Variants in CSMD2 observed in about 807,000 individuals in gnomAD.
The protein encoded by CSMD2 is CUB and sushi domain-containing protein 2.
In CSMD2, 130 loss-of-function variants were observed where a neutral mutation model predicts 398.5. That is an observed-to-expected ratio of 0.33 (90% CI 0.28 to 0.38). CSMD2 has a LOEUF of 0.38. CSMD2 is among the 10% of genes least tolerant of loss of function. The probability of loss-of-function intolerance (pLI) is 1.00; values close to 1 mark genes in which losing one functional copy is unlikely to be tolerated. For missense variants in CSMD2, 3,829 were observed against 4,764.9 expected, an observed-to-expected ratio of 0.80 and a Z score of 5.78; for synonymous variants, 1,828 against 1,908.5, an observed-to-expected ratio of 0.96 and a Z score of 1.10.
chr1:33,715,363 G>A (rs759969653), intron 20 of CSMD2, among the ~76,000 whole-genome samples: 3 of 152,230 alleles, frequency 2.0e-5, no homozygotes, highest in East Asian at 1.9e-4. Context: ...CGGCAAGCAT[G>A]ACCAGGGGCA....
At chr1:33,621,703 G>A (rs1641782153) in intron 37 of CSMD2, among the ~76,000 whole-genome samples, 3 of 152,144 alleles carry the variant, frequency 2.0e-5, no homozygotes, top group Non-Finnish European at 4.4e-5. Context: ...ATTTGGTAGT[G>A]ACCACTTAGG....
At chr1:33,741,293 C>A (rs1647057211) in intron 14 of CSMD2, among the ~76,000 whole-genome samples, 1 of 152,050 alleles carries the variant, frequency 6.6e-6, no homozygotes, top group African/African-American at 2.4e-5. Context: ...TCAAGCTCAG[C>A]CTCAGTGATC....
In CSMD2 at chr1:33,952,990, G is replaced by T. The variant is rs1043523493; in HGVS notation, c.518-17036C>A. On this transcript the variant is annotated intron_variant, in intron 3 of 70. Coordinates refer to ENST00000373381, the MANE Select transcript of CSMD2 (RefSeq NM_001281956.2). The stretch of plus-strand genomic sequence containing the variant: ...AGGCATTGGGCACCAGCAAATGTTT[G>T]CTGGATGGCTGCACGTGGCAAAAAA... Among the ~76,000 whole-genome samples the T allele has an allele frequency of 8.1e-4, 123 of 152,188 alleles. 4 individuals carry two copies.
chr1:34,024,835 C>T (rs1479379495), intron 3 of CSMD2, among the ~76,000 whole-genome samples: 2 of 152,110 alleles, frequency 1.3e-5, no homozygotes, highest in Non-Finnish European at 2.9e-5. Context: ...TTCCATTAGC[C>T]CAATTTTGAG....
At chr1:33,909,483 C>G (rs1643324556) in intron 5 of CSMD2, among the ~76,000 whole-genome samples, 1 of 152,084 alleles carries the variant, frequency 6.6e-6, no homozygotes. Flanking sequence ...TAACTTCAGT[C>G]TCCCCCAAAT....
intron 6 of CSMD2, among the ~76,000 whole-genome samples, chr1:33,845,273 C>T (rs1661245389): frequency 6.6e-6 from 1 of 152,194 alleles, no homozygotes; most frequent in East Asian, 1.9e-4. Context: ...TGAGCCCCAG[C>T]TTCCTCAGCT....
intron 3 of CSMD2, among the ~76,000 whole-genome samples, chr1:33,981,649 C>A (rs1646170460): frequency 6.6e-6 from 1 of 152,244 alleles, no homozygotes; most frequent in Non-Finnish European, 1.5e-5. Flanking sequence ...TTGCCACTCT[C>A]CTGGAGCTTT....
At chr1:33,679,585 A>G (rs1644835744) in intron 25 of CSMD2, among the ~76,000 whole-genome samples, 1 of 152,234 alleles carries the variant, frequency 6.6e-6, no homozygotes, top group South Asian at 2.1e-4. Context: ...ATTTCAATCT[A>G]TCAAGCAGCG....
intron 3 of CSMD2, among the ~76,000 whole-genome samples, chr1:33,989,067 T>C (rs895507477): frequency 9.0e-6 from 1 of 111,574 alleles, no homozygotes; most frequent in African/African-American, 3.3e-5. Flanking sequence ...TATATATATA[T>C]ATGGATGCAT....
rs755707159 is a variant in CSMD2, at chr1:33,605,274, C to G, written c.6532+8G>C. The G allele has an allele frequency of 4.5e-5, 73 of 1,612,600 alleles. No homozygotes were observed. The highest frequency in any genetic ancestry group is 4.7e-5 in the Non-Finnish European group (55 of 1,179,290). ...GGAAGAACTGCTGGGGATGAGGGAG[C>G]GACATACCTTCACACTTGGGCAGGG... is the stretch of plus-strand genomic sequence containing the variant. On this transcript the variant is annotated splice_region_variant and intron_variant, in intron 42 of 70. Transcript: ENST00000373381.
At chr1:33,608,516 T>C (rs1316139108) in intron 41 of CSMD2, among the ~76,000 whole-genome samples, 3 of 152,184 alleles carry the variant, frequency 2.0e-5, no homozygotes, top group Admixed American at 1.3e-4. Flanking sequence ...ACTTCACTCC[T>C]TGTGAATATG....
chr1:34,088,000 C>T (rs1658110119), intron 2 of CSMD2, among the ~76,000 whole-genome samples: 1 of 152,300 alleles, frequency 6.6e-6, no homozygotes, highest in South Asian at 2.1e-4. Context: ...GCCTCTGCTG[C>T]AGGCTTCCCA....
intron 6 of CSMD2, among the ~76,000 whole-genome samples, chr1:33,840,578 G>C (rs1373833721): frequency 6.6e-6 from 1 of 152,188 alleles, no homozygotes; most frequent in African/African-American, 2.4e-5. Context: ...GTTTCCCAGT[G>C]ACAGTTTGAT....
intron 9 of CSMD2, chr1:33,814,111 C>T (rs1425933026): frequency 6.6e-6 from 1 of 152,248 alleles, no homozygotes; most frequent in Non-Finnish European, 1.5e-5. Context: ...CCCATCAGCT[C>T]CTTCGGTCTT....
At chr1:33,990,240 C>A (rs1394630833) in intron 3 of CSMD2, among the ~76,000 whole-genome samples, 1 of 152,044 alleles carries the variant, frequency 6.6e-6, no homozygotes, top group African/African-American at 2.4e-5. Context: ...CCACTGCACT[C>A]CAGCCTGGAC....
chr1:34,006,717 GC>G (rs1424246437), intron 3 of CSMD2, among the ~76,000 whole-genome samples: 6 of 152,010 alleles, frequency 3.9e-5, no homozygotes, highest in Admixed American at 3.9e-4. Flanking sequence ...AAGCAAATGA[GC>G]CACAGTTCAT....
chr1:33,557,773 C>T lies in CSMD2; in HGVS notation c.8704G>A (p.Gly2902Arg), dbSNP rs1455619176. ...CGGGGACGGTCCCATGTGCCATCTCCCTGGCAGCTGAGCACTGGGGTGCCC... is the reference window on the plus strand; with the variant it reads ...CGGGGACGGTCCCATGTGCCATCTCTCTGGCAGCTGAGCACTGGGGTGCCC... ...LLGTPVLSCQGDGTWDRPRPQ... is the reference protein window; with the variant it reads ...LLGTPVLSCQRDGTWDRPRPQ... The change falls in exon 55 of 71, where the codon GGA (glycine) becomes AGA (arginine). Residue 2902 changes from glycine to arginine, a missense_variant. By Grantham distance (125) the Gly-to-Arg change is moderately radical. This residue lies in a region of CSMD2 where 917 missense variants were observed against 1,199.5 expected (regional missense o/e 0.76). Coordinates refer to ENST00000373381, the MANE Select transcript of CSMD2 (RefSeq NM_001281956.2). 6 of 1,536,084 alleles carry T rather than the reference C, an allele frequency of 3.9e-6. No homozygotes were observed. Among genetic ancestry groups the T allele is most frequent in the Non-Finnish European group, 5.2e-6 (6 of 1,146,896 alleles).
intron 65 of CSMD2, among the ~76,000 whole-genome samples, chr1:33,525,609 T>C (rs1654698334): frequency 6.6e-6 from 1 of 152,172 alleles, no homozygotes; most frequent in Non-Finnish European, 1.5e-5. Context: ...ACTGGAGATA[T>C]GAGTTTTGGT....
At chr1:33,666,889 G>A (rs924737173) in intron 25 of CSMD2, among the ~76,000 whole-genome samples, 4 of 152,052 alleles carry the variant, frequency 2.6e-5, no homozygotes, top group Admixed American at 6.5e-5. Context: ...AAAAGACATC[G>A]GTGTGGGCCA....
Sources: gnomAD v4.1 joint callset for allele counts (sites outside exome capture counted in the v4.1 genomes callset) on GRCh38, gnomAD v4.1.1 for gene constraint, gnomAD v4.1.1 regional missense constraint, MANE v1.5 for transcripts, NCBI Gene and HGNC (gene_info 2026-07-23, HGNC 2026-07-21) for gene names.